GLIS3: variants seen among roughly 807,000 people sequenced by gnomAD.
The protein encoded by GLIS3 is GLIS family zinc finger 3, also known as zinc finger protein GLIS3.
GLIS3 carries 53 observed loss-of-function variants against 78.6 expected under a neutral mutation model. That is an observed-to-expected ratio of 0.67 (90% CI 0.54 to 0.85). GLIS3 has a LOEUF of 0.85. GLIS3 is among the 40% of genes least tolerant of loss of function. The pLI, the probability that GLIS3 is intolerant of heterozygous loss-of-function variation, is 0.00. For missense variants in GLIS3, 1,703 were observed against 1,231.1 expected (o/e 1.38, Z -5.74); for synonymous variants, 684 against 509.9 (o/e 1.34, Z -4.60).
intron 2 of GLIS3, among the ~76,000 whole-genome samples, chr9:4,244,813 T>A (rs1823647905): frequency 6.6e-6 from 1 of 152,082 alleles, no homozygotes; most frequent in African/African-American, 2.4e-5. Context: ...TGGCCTTAGG[T>A]GATCCACCCG....
At chr9:4,064,056 C>G (rs930419127) in intron 4 of GLIS3, among the ~76,000 whole-genome samples, 1 of 151,680 alleles carries the variant, frequency 6.6e-6, no homozygotes, top group Non-Finnish European at 1.5e-5. Flanking sequence ...GACAAGTAGA[C>G]CACTGAAACA....
At chr9:4,001,021 G>T (rs1204080104) in intron 4 of GLIS3, among the ~76,000 whole-genome samples, 1 of 152,142 alleles carries the variant, frequency 6.6e-6, no homozygotes, top group African/African-American at 2.4e-5. Context: ...TGTGTTTTCA[G>T]CTCAGTTAAA....
chr9:4,334,022 A>T (rs1321352742), intron 2 of GLIS3, among the ~76,000 whole-genome samples: 1 of 152,198 alleles, frequency 6.6e-6, no homozygotes, highest in Non-Finnish European at 1.5e-5. Flanking sequence ...GCTTAGAAAC[A>T]AAAGTGACCT....
intron 7 of GLIS3, among the ~76,000 whole-genome samples, chr9:3,888,141 A>T (rs540716768): frequency 6.6e-6 from 1 of 152,262 alleles, no homozygotes; most frequent in Non-Finnish European, 1.5e-5. Flanking sequence ...AAAAAAGGAG[A>T]AAGACGGGGT....
chr9:3,941,536 G>A (rs1249416802), intron 4 of GLIS3, among the ~76,000 whole-genome samples: 4 of 152,054 alleles, frequency 2.6e-5, no homozygotes, highest in African/African-American at 7.3e-5. Context: ...TTCCCTCGGT[G>A]GCCTCCTGAC....
intron 4 of GLIS3, among the ~76,000 whole-genome samples, chr9:3,962,703 A>AG (rs1354100443): frequency 6.6e-6 from 1 of 152,146 alleles, no homozygotes; most frequent in African/African-American, 2.4e-5. Flanking sequence ...AACAAGAGAA[A>AG]GGGGGGAATG....
chr9:4,275,391 G>A (rs75319728), intron 2 of GLIS3, among the ~76,000 whole-genome samples: 3 of 152,038 alleles, frequency 2.0e-5, no homozygotes, highest in African/African-American at 2.4e-5. Flanking sequence ...GAAGGAGAAA[G>A]ATTTCTCTGA....
At chr9:4,163,222 G>C (rs1031891678) in intron 2 of GLIS3, among the ~76,000 whole-genome samples, 2 of 149,678 alleles carry the variant, frequency 1.3e-5, no homozygotes, top group African/African-American at 4.9e-5. Context: ...TTATGTCTCA[G>C]CATGTGCACG....
At chr9:4,408,939 T>C in the GLIS3 span, among the ~76,000 whole-genome samples, 1 of 152,032 alleles carries the variant, frequency 6.6e-6, no homozygotes, top group African/African-American at 2.4e-5. Flanking sequence ...TGTGCCAAAA[T>C]ATCTCATATA....
intron 2 of GLIS3, among the ~76,000 whole-genome samples, chr9:4,159,030 G>T (rs911974068): frequency 6.3e-5 from 5 of 79,098 alleles, no homozygotes; most frequent in Admixed American, 1.4e-4. Flanking sequence ...GAAAGGAGAA[G>T]AAGAAAAAAA....
At chr9:4,368,749 TAAG>T in the GLIS3 span, among the ~76,000 whole-genome samples, 2 of 152,182 alleles carry the variant, frequency 1.3e-5, no homozygotes, top group East Asian at 1.9e-4. Flanking sequence ...TCCTCAGCTT[TAAG>T]AAGAGGAGGA....
the GLIS3 span, among the ~76,000 whole-genome samples, chr9:4,362,487 G>C: frequency 1.3e-5 from 2 of 152,116 alleles, no homozygotes; most frequent in Non-Finnish European, 2.9e-5. Context: ...TCTCGGCATG[G>C]GGCCAGTTTT....
intron 2 of GLIS3, among the ~76,000 whole-genome samples, chr9:4,239,282 C>T (rs374370151): frequency 6.6e-6 from 1 of 150,418 alleles, no homozygotes; most frequent in African/African-American, 2.5e-5. Flanking sequence ...CAAACCTGCA[C>T]GTTGTGCACA....
intron 2 of GLIS3, among the ~76,000 whole-genome samples, chr9:4,328,415 C>A (rs930353450): frequency 6.6e-6 from 1 of 152,152 alleles, no homozygotes; most frequent in African/African-American, 2.4e-5. Flanking sequence ...AAACAGGGAG[C>A]ACTAAGTGGA....
At chr9:4,425,879 C>G in the GLIS3 span, among the ~76,000 whole-genome samples, 1 of 152,198 alleles carries the variant, frequency 6.6e-6, no homozygotes, top group Non-Finnish European at 1.5e-5. Flanking sequence ...TCAGTTCTGA[C>G]TTTTGCACAA....
chr9:4,411,513 T>C, the GLIS3 span, among the ~76,000 whole-genome samples: 1 of 152,232 alleles, frequency 6.6e-6, no homozygotes, highest in Non-Finnish European at 1.5e-5. Context: ...TCCCTCAGAA[T>C]TTATCTGTGT....
At chr9:4,307,512 A>G (rs1051294736) in intron 4 of GLIS3, among the ~76,000 whole-genome samples, 32 of 151,906 alleles carry the variant, frequency 2.1e-4, no homozygotes, top group African/African-American at 2.4e-5. Context: ...TCTGATAGGG[A>G]GAATAATGTC....
At chr9:4,376,994 C>T in the GLIS3 span, among the ~76,000 whole-genome samples, 1 of 135,480 alleles carries the variant, frequency 7.4e-6, no homozygotes, top group Non-Finnish European at 1.7e-5. Flanking sequence ...CCAGCCCCAC[C>T]ACTTACTAGC....
At chr9:4,112,842 T>A (rs1273140526) in intron 4 of GLIS3, among the ~76,000 whole-genome samples, 1 of 152,124 alleles carries the variant, frequency 6.6e-6, no homozygotes, top group Non-Finnish European at 1.5e-5. Context: ...ACACCTATAT[T>A]ACCACCATTA....
Sources: gnomAD v4.1 joint callset for allele counts (sites outside exome capture counted in the v4.1 genomes callset) on GRCh38, gnomAD v4.1.1 for gene constraint, MANE v1.5 for transcripts, NCBI Gene and HGNC (gene_info 2026-07-23, HGNC 2026-07-21) for gene names.